DENND5A: variants seen among roughly 807,000 people sequenced by gnomAD.
DENND5A encodes the protein DENN domain-containing protein 5A.
A neutral mutation model predicts 140.3 loss-of-function variants in DENND5A; 64 were observed. That is an observed-to-expected ratio of 0.46 (90% CI 0.37 to 0.56). DENND5A has a LOEUF of 0.56. Among genes scored for constraint, DENND5A ranks in the 20% least tolerant of loss-of-function variants. The probability of loss-of-function intolerance (pLI) is 0.00; values close to 1 mark genes in which losing one functional copy is unlikely to be tolerated. For missense variants in DENND5A, 1,292 were observed against 1,593.8 expected, an observed-to-expected ratio of 0.81 and a Z score of 3.22; for synonymous variants, 605 against 607.7, an observed-to-expected ratio of 1.00 and a Z score of 0.07.
chr11:9,178,073 G>GCCATATTTA, intron 8 of DENND5A, 59 bp downstream of exon 8: 2 of 1,166,584 alleles, frequency 1.7e-6, no homozygotes, highest in Non-Finnish European at 2.6e-6. Context: ...TTTAGGAAAA[G>GCCATATTTA]GGACATGTTA....
chr11:9,259,725 G>C (rs1852107983), intron 1 of DENND5A, among the ~76,000 whole-genome samples: 1 of 151,938 alleles, frequency 6.6e-6, no homozygotes, highest in Non-Finnish European at 1.5e-5. Context: ...TCTTCTAAAG[G>C]TGACATTAAG....
intron 1 of DENND5A, among the ~76,000 whole-genome samples, chr11:9,241,131 A>C (rs1008321726): frequency 1.3e-5 from 2 of 152,178 alleles, no homozygotes; most frequent in African/African-American, 4.8e-5. Flanking sequence ...CCATAATTTG[A>C]AACCAGAACT....
chr11:9,264,753 G>T (rs975573230), intron 1 of DENND5A, among the ~76,000 whole-genome samples: 9 of 152,060 alleles, frequency 5.9e-5, no homozygotes, highest in African/African-American at 1.9e-4. Flanking sequence ...ACTGCGCAGC[G>T]GGCCGTAGGT....
At chr11:9,234,710 A>T (rs1404642403) in intron 1 of DENND5A, among the ~76,000 whole-genome samples, 2 of 152,248 alleles carry the variant, frequency 1.3e-5, no homozygotes, top group Non-Finnish European at 2.9e-5. Flanking sequence ...AAACAATAGC[A>T]TGAGCGATCT....
At chr11:9,186,343 T>G (rs527632246) in intron 5 of DENND5A, among the ~76,000 whole-genome samples, 1 of 152,204 alleles carries the variant, frequency 6.6e-6, no homozygotes, top group African/African-American at 2.4e-5. Flanking sequence ...TTAGAAGAGA[T>G]AAAGACAGAA....
chr11:9,190,040 G>C (rs1314573990), intron 5 of DENND5A, among the ~76,000 whole-genome samples: 3 of 152,188 alleles, frequency 2.0e-5, no homozygotes, highest in African/African-American at 7.2e-5. Flanking sequence ...CTGGATTTCA[G>C]ACTTGCATGG....
At chr11:9,170,026 T>C in intron 9 of DENND5A, 77 bp from the exon 10 acceptor site, 5 of 1,080,234 alleles carry the variant, frequency 4.6e-6, no homozygotes, top group Admixed American at 1.7e-5. Flanking sequence ...GGAGAAAACA[T>C]GAATGACTAC....
intron 13 of DENND5A, among the ~76,000 whole-genome samples, chr11:9,151,654 A>C (rs1254967075): frequency 2.6e-5 from 4 of 152,234 alleles, no homozygotes; most frequent in African/African-American, 9.6e-5. Context: ...GGATGATGTG[A>C]AGGGGAGATG....
rs1393589754 is a variant in DENND5A, at chr11:9,203,815, A to G, written c.794T>C (p.Val265Ala). 9 of 1,614,030 alleles carry G rather than the reference A, an allele frequency of 5.6e-6. No homozygotes were observed. Among genetic ancestry groups the G allele is most frequent in the Non-Finnish European group, 5.9e-6 (7 of 1,179,982 alleles). The change falls in exon 4 of 23, where the codon GTC becomes GCC. Residue 265 changes from valine (V) to alanine (A), a missense_variant. This residue lies in a region of DENND5A where 566 missense variants were observed against 650.4 expected (regional missense o/e 0.87). Transcript: ENST00000328194. ...PPGRSLKFSG[V>A]YGPIICQRPS... Reference sequence around the variant, plus strand: ...TCTCTGGCAGATTATTGGCCCATAGACCCCAGAAAACTTCAAGGACCGGCC... The same window carrying G: ...TCTCTGGCAGATTATTGGCCCATAGGCCCCAGAAAACTTCAAGGACCGGCC...
intron 5 of DENND5A, among the ~76,000 whole-genome samples, chr11:9,188,924 A>T (rs545383901): frequency 6.6e-6 from 1 of 152,272 alleles, no homozygotes; most frequent in Non-Finnish European, 1.5e-5. Context: ...AGAAATTTAC[A>T]TAAGTAACAA....
chr11:9,244,700 A>G (rs1379104528), intron 1 of DENND5A, among the ~76,000 whole-genome samples: 5 of 151,728 alleles, frequency 3.3e-5, no homozygotes. Context: ...TTTGGAGATA[A>G]GGTCTGGCTC....
Position 9,193,604 on chromosome 11 carries a change from G to A in DENND5A, c.1027C>T (p.Pro343Ser). The change falls in exon 5 of 23, where the codon CCT (proline) becomes TCT (serine). Residue 343 changes from proline to serine, a missense_variant. Pro to Ser is a moderately conservative substitution (Grantham distance 74). Coordinates refer to ENST00000328194, the MANE Select transcript of DENND5A (RefSeq NM_015213.4). The part of the protein sequence containing the change: ...FPFQWQHVYV[P>S]ILPASLLHFL... Reference sequence around the variant, plus strand: ...TGCAGGAGAGAAGCTGGGAGAATAGGGACATAGACATGCTGCCACTGGAAA... The same window carrying A: ...TGCAGGAGAGAAGCTGGGAGAATAGAGACATAGACATGCTGCCACTGGAAA... 1 of 1,614,008 alleles carries A rather than the reference G, an allele frequency of 6.2e-7. No homozygotes were observed.
At chr11:9,178,511 AAAC>A in intron 7 of DENND5A, 145 bp from the exon 8 acceptor site, 1 of 625,646 alleles carries the variant, frequency 1.6e-6, no homozygotes. Flanking sequence ...AAAAAAAAAA[AAAC>A]CCACTCATGT....
chr11:9,245,016 G>T (rs1564937584), intron 1 of DENND5A, among the ~76,000 whole-genome samples: 1 of 151,506 alleles, frequency 6.6e-6, no homozygotes, highest in Non-Finnish European at 1.5e-5. Context: ...CGGGTGCGGT[G>T]GCTCATGCCT....
intron 1 of DENND5A, chr11:9,242,631 A>G (rs946999500): frequency 6.6e-6 from 1 of 152,200 alleles, no homozygotes; most frequent in African/African-American, 2.4e-5. Flanking sequence ...ACATGGGGAT[A>G]ATACCATCTA....
chr11:9,179,085 G>GA lies in DENND5A; in HGVS notation c.1456-13dup. On this transcript the variant is annotated splice_polypyrimidine_tract_variant and intron_variant, in intron 6 of 22. Coordinates refer to ENST00000328194, the MANE Select transcript of DENND5A (RefSeq NM_015213.4). ...TCACGCACTTCCAACTACAAAAAAA[G>GA]AAAAAGCAGTTGAGAACACATACAC... The GA allele has an allele frequency of 6.2e-7, 1 of 1,610,888 alleles. No individual in the cohort carries two copies. Among genetic ancestry groups the GA allele is most frequent in the South Asian group, 1.1e-5 (1 of 90,860 alleles).
At chr11:9,242,576 G>A (rs1851280592) in intron 1 of DENND5A, 1 of 152,042 alleles carries the variant, frequency 6.6e-6, no homozygotes, top group Non-Finnish European at 1.5e-5. Flanking sequence ...TTATAGTCTC[G>A]GGCATGTTAT....
intron 10 of DENND5A, 65 bp downstream of exon 10, chr11:9,169,791 T>C (rs2136156367): frequency 9.8e-7 from 1 of 1,022,078 alleles, no homozygotes; most frequent in Admixed American, 1.7e-5. Flanking sequence ...GAACAGGAAA[T>C]GAGAAAGAGA....
chr11:9,181,228 A>G, intron 5 of DENND5A, 144 bp from the exon 6 acceptor site: 1 of 692,670 alleles, frequency 1.4e-6, no homozygotes, highest in Non-Finnish European at 2.4e-6. Context: ...GATAGGGCTC[A>G]GAAATAAGAC....
Sources: allele counts gnomAD v4.1 joint callset (sites outside exome capture counted in the v4.1 genomes callset), GRCh38; gene constraint gnomAD v4.1.1; regional missense constraint gnomAD v4.1.1; transcripts MANE v1.5; gene names NCBI Gene and HGNC (gene_info 2026-07-23, HGNC 2026-07-21).